NMNAT2: variants seen among roughly 807,000 people sequenced by gnomAD.
NMNAT2 encodes nicotinamide nucleotide adenylyltransferase 2.
Under a neutral mutation model 41.6 loss-of-function variants are expected in NMNAT2, and 11 were observed. The ratio of observed to expected loss-of-function variants is 0.26; its 90% CI spans 0.17 to 0.44. NMNAT2 has a LOEUF of 0.44. Among genes scored for constraint, NMNAT2 ranks in the 20% least tolerant of loss-of-function variants. NMNAT2 has a pLI of 1.00. For missense variants in NMNAT2, 288 were observed against 407.7 expected, an observed-to-expected ratio of 0.71 and a Z score of 2.53; for synonymous variants, 148 against 151.2, an observed-to-expected ratio of 0.98 and a Z score of 0.16.
rs12035796 is a variant in NMNAT2 at position 183,259,671 on chromosome 1, C to T, written c.821+1331G>A. Among the ~76,000 whole-genome samples the T allele has an allele frequency of 2.1e-3, 324 of 152,264 alleles. 6 individuals are homozygous for T. In the East Asian group the frequency reaches 0.053, roughly 25 times the overall value. On this transcript the variant is annotated intron_variant, in intron 10 of 10. Coordinates refer to ENST00000287713, the MANE Select transcript of NMNAT2 (RefSeq NM_015039.4). The stretch of plus-strand genomic sequence containing the variant: ...CTGAAGTGCAGTGGCGCGATCTCGG[C>T]TCACTGCAAGCTCTGCCTCCCGGGT...
intron 1 of NMNAT2, among the ~76,000 whole-genome samples, chr1:183,295,899 A>ACC (rs1661677985): frequency 6.6e-6 from 1 of 152,066 alleles, no homozygotes; most frequent in Non-Finnish European, 1.5e-5. Flanking sequence ...CCTAAGCTGG[A>ACC]GTGCAGTGGC....
chr1:183,348,655 A>C (rs1030434912), intron 1 of NMNAT2, among the ~76,000 whole-genome samples: 1 of 152,206 alleles, frequency 6.6e-6, no homozygotes, highest in African/African-American at 2.4e-5. Flanking sequence ...ATACTTGCAC[A>C]ATAAGGGGCA....
At chr1:183,268,531 G>T (rs775642649) in intron 8 of NMNAT2, among the ~76,000 whole-genome samples, 2 of 152,180 alleles carry the variant, frequency 1.3e-5, no homozygotes, top group Non-Finnish European at 2.9e-5. Context: ...GCAAAAGTTT[G>T]GGTCATATCC....
chr1:183,330,915 T>A (rs17484292), intron 1 of NMNAT2, among the ~76,000 whole-genome samples: 4,916 of 152,256 alleles, frequency 0.032, 112 homozygotes, highest in Non-Finnish European at 0.048. Context: ...GTGTAAATGA[T>A]CCTAATGTTT....
rs549024831 is a variant in NMNAT2, at chr1:183,415,331, G to T, written c.85+2852C>A. ...TTAATTATTTCCGTGTTGTCACAGAGAAAATTTTTAAAGCAATTTAAAAGG... is the reference window on the plus strand; with the variant it reads ...TTAATTATTTCCGTGTTGTCACAGATAAAATTTTTAAAGCAATTTAAAAGG... On this transcript the variant is annotated intron_variant, in intron 1 of 10. Transcript: ENST00000287713. Among the ~76,000 whole-genome samples the T allele has an allele frequency of 8.5e-5, 13 of 152,260 alleles. No individual in the cohort carries two copies. The East Asian group carries it at 1.2e-3, about 14-fold the overall frequency.
chr1:183,281,325 C>T lies in NMNAT2; in HGVS notation c.574+2670G>A, dbSNP rs571064947. On this transcript the variant is annotated intron_variant, in intron 7 of 10. Coordinates refer to ENST00000287713, the MANE Select transcript of NMNAT2 (RefSeq NM_015039.4). ...ACTGGAGGGAGAGGGTGGCATGCTA[C>T]TGGCATCTAGTGGGTGGAGGCTAGG... Among the ~76,000 whole-genome samples the T allele has an allele frequency of 2.6e-5, 4 of 152,234 alleles. No homozygotes were observed. In the South Asian group the frequency reaches 6.2e-4, roughly 24 times the overall value.
chr1:183,391,125 C>A (rs1485997866), intron 1 of NMNAT2, among the ~76,000 whole-genome samples: 1 of 152,196 alleles, frequency 6.6e-6, no homozygotes, highest in Non-Finnish European at 1.5e-5. Context: ...TGCCTCCACA[C>A]CACATCACTT....
At chr1:183,328,260 G>A (rs1036813155) in intron 1 of NMNAT2, among the ~76,000 whole-genome samples, 2 of 152,168 alleles carry the variant, frequency 1.3e-5, no homozygotes, top group Admixed American at 6.5e-5. Flanking sequence ...CCACCCATCT[G>A]CTCTACCCCC....
intron 8 of NMNAT2, among the ~76,000 whole-genome samples, chr1:183,277,761 C>G (rs1661158748): frequency 6.6e-6 from 1 of 152,012 alleles, no homozygotes; most frequent in African/African-American, 2.4e-5. Context: ...AGATAACATT[C>G]TATAGATTTT....
chr1:183,276,162 G>T (rs1223946454), intron 8 of NMNAT2, among the ~76,000 whole-genome samples: 1 of 152,198 alleles, frequency 6.6e-6, no homozygotes, highest in Non-Finnish European at 1.5e-5. Flanking sequence ...AGATGGGACA[G>T]AAATTCTATG....
chr1:183,401,004 G>T (rs1228245080), intron 1 of NMNAT2, among the ~76,000 whole-genome samples: 1 of 152,182 alleles, frequency 6.6e-6, no homozygotes, highest in Non-Finnish European at 1.5e-5. Flanking sequence ...ATAGGCATGG[G>T]CAAGGACTTA....
At chr1:183,397,135 T>C (rs1571637917) in intron 1 of NMNAT2, among the ~76,000 whole-genome samples, 1 of 152,292 alleles carries the variant, frequency 6.6e-6, no homozygotes, top group South Asian at 2.1e-4. Flanking sequence ...CTTGAGTGTG[T>C]ACTTTTTACT....
chr1:183,408,583 T>C (rs1342547661), intron 1 of NMNAT2, among the ~76,000 whole-genome samples: 1 of 152,202 alleles, frequency 6.6e-6, no homozygotes, highest in Non-Finnish European at 1.5e-5. Context: ...AGACTAAGTA[T>C]ACTCCCAGAT....
At chr1:183,357,123 G>C (rs74129753) in intron 1 of NMNAT2, among the ~76,000 whole-genome samples, 2,310 of 152,100 alleles carry the variant, frequency 0.015, 41 homozygotes, top group African/African-American at 0.052. Flanking sequence ...GAGAACGTTG[G>C]TGAGGTTTAG....
chr1:183,261,091 T>G, intron 9 of NMNAT2, 22 bp from the exon 10 acceptor site: 1 of 1,611,660 alleles, frequency 6.2e-7, no homozygotes, highest in Non-Finnish European at 8.5e-7. Flanking sequence ...GCAGACAGAG[T>G]CAGTTGCCAG....
chr1:183,387,198 T>C (rs1648271517), intron 1 of NMNAT2, among the ~76,000 whole-genome samples: 1 of 151,098 alleles, frequency 6.6e-6, no homozygotes, highest in Non-Finnish European at 1.5e-5. Context: ...AAATTTCATC[T>C]ACAGCTCTTA....
At chr1:183,383,408 T>G (rs1663845242) in intron 1 of NMNAT2, among the ~76,000 whole-genome samples, 1 of 152,246 alleles carries the variant, frequency 6.6e-6, no homozygotes, top group South Asian at 2.1e-4. Context: ...TCATTACTTG[T>G]GCAAATTTCT....
intron 1 of NMNAT2, among the ~76,000 whole-genome samples, chr1:183,413,291 G>C (rs987772294): frequency 1.3e-5 from 2 of 152,174 alleles, no homozygotes; most frequent in African/African-American, 4.8e-5. Flanking sequence ...AGCCAGAAAT[G>C]ACCAAATTCA....
At chr1:183,311,277 G>A (rs1241940063) in intron 1 of NMNAT2, among the ~76,000 whole-genome samples, 1 of 152,142 alleles carries the variant, frequency 6.6e-6, no homozygotes, top group Non-Finnish European at 1.5e-5. Context: ...TGAGCGATTT[G>A]GGGAATTCTT....
Sources: allele counts gnomAD v4.1 joint callset (sites outside exome capture counted in the v4.1 genomes callset), GRCh38; gene constraint gnomAD v4.1.1; transcripts MANE v1.5; gene names NCBI Gene and HGNC (gene_info 2026-07-23, HGNC 2026-07-21).